ARHGAP18: variants seen among roughly 807,000 people sequenced by gnomAD.
The protein encoded by ARHGAP18 is rho GTPase-activating protein 18.
A neutral mutation model predicts 86.2 loss-of-function variants in ARHGAP18; 67 were observed. The observed-to-expected ratio is 0.78, with a 90% CI of 0.64 to 0.95. ARHGAP18 has a LOEUF of 0.95. ARHGAP18 is among the 40% of genes least tolerant of loss of function. ARHGAP18 has a pLI of 0.00. For missense variants in ARHGAP18, 691 were observed against 780.4 expected, an observed-to-expected ratio of 0.89 and a Z score of 1.37; for synonymous variants, 283 against 280.4, an observed-to-expected ratio of 1.01 and a Z score of -0.09.
At chr6:129,594,158 C>G (rs1230667158) in intron 12 of ARHGAP18, among the ~76,000 whole-genome samples, 3 of 152,106 alleles carry the variant, frequency 2.0e-5, no homozygotes, top group Admixed American at 1.3e-4. Flanking sequence ...GATCTATAGT[C>G]TCTTTCACTC....
intron 1 of ARHGAP18, among the ~76,000 whole-genome samples, chr6:129,676,251 C>A (rs890915475): frequency 1.3e-5 from 2 of 152,168 alleles, no homozygotes; most frequent in Admixed American, 1.3e-4. Context: ...TCAATGTCTT[C>A]TAACGAGGGA....
rs575787847 is a variant in ARHGAP18 at position 129,677,582 on chromosome 6, T to C, written c.113+32442A>G. Among the ~76,000 whole-genome samples, 4 of 152,354 alleles carry C rather than the reference T, an allele frequency of 2.6e-5. No homozygotes were observed. In the East Asian group the frequency reaches 7.7e-4, roughly 29 times the overall value. On this transcript the variant is annotated intron_variant, in intron 1 of 14. Coordinates refer to ENST00000368149, the MANE Select transcript of ARHGAP18 (RefSeq NM_033515.3). Reference sequence around the variant, plus strand: ...AGAAATGAGACACTGTTTTAAAGCATTTAGATTGTATCTCTTGGTTATATT... The same window carrying C: ...AGAAATGAGACACTGTTTTAAAGCACTTAGATTGTATCTCTTGGTTATATT...
At chr6:129,683,545 G>A (rs759894425) in intron 1 of ARHGAP18, among the ~76,000 whole-genome samples, 2 of 152,010 alleles carry the variant, frequency 1.3e-5, no homozygotes, top group Non-Finnish European at 2.9e-5. Flanking sequence ...ATTCATTTAC[G>A]TATAAACAAC....
intron 5 of ARHGAP18, among the ~76,000 whole-genome samples, chr6:129,623,360 G>A (rs1477765191): frequency 2.6e-5 from 4 of 152,088 alleles, no homozygotes; most frequent in African/African-American, 4.8e-5. Flanking sequence ...TAATTACAGA[G>A]CATAATTTCT....
chr6:129,597,135 G>A lies in ARHGAP18; in HGVS notation c.1713+2081C>T, dbSNP rs73590571. On this transcript the variant is annotated intron_variant, in intron 12 of 14. Coordinates refer to ENST00000368149, the MANE Select transcript of ARHGAP18 (RefSeq NM_033515.3). ...GGCATAATTTTTTTTTTAAATTTTG[G>A]CTATTGATTAGAATTTTTTTTTTTT... Among the ~76,000 whole-genome samples, 902 of 151,262 alleles carry A rather than the reference G, an allele frequency of 6.0e-3. 13 individuals are homozygous for A. Among genetic ancestry groups the A allele is most frequent in the African/African-American group, 0.019 (792 of 41,212 alleles).
chr6:129,629,792 C>A (rs998712362), intron 4 of ARHGAP18, among the ~76,000 whole-genome samples: 3 of 152,048 alleles, frequency 2.0e-5, no homozygotes, highest in African/African-American at 7.2e-5. Context: ...AATTCCAAAA[C>A]ATTGCTGGAA....
chr6:129,661,346 T>C (rs1394530208), intron 1 of ARHGAP18, among the ~76,000 whole-genome samples: 1 of 145,848 alleles, frequency 6.9e-6, no homozygotes, highest in African/African-American at 2.5e-5. Context: ...ATACAAAATA[T>C]GGATAATTTG....
chr6:129,626,105 C>T (rs182505920), intron 5 of ARHGAP18, among the ~76,000 whole-genome samples: 1,497 of 124,886 alleles, frequency 0.012, 16 homozygotes, highest in African/African-American at 0.034. Context: ...CACACACACA[C>T]ATATATAGAA....
intron 1 of ARHGAP18, among the ~76,000 whole-genome samples, chr6:129,655,354 A>G (rs1243123597): frequency 6.9e-6 from 1 of 145,364 alleles, no homozygotes; most frequent in Non-Finnish European, 1.5e-5. Flanking sequence ...AAAGAAAAGA[A>G]AAGAAAAGAA....
chr6:129,614,137 G>A lies in ARHGAP18; in HGVS notation c.1044+2075C>T, dbSNP rs539405898. On this transcript the variant is annotated intron_variant, in intron 7 of 14. Coordinates refer to ENST00000368149, the MANE Select transcript of ARHGAP18 (RefSeq NM_033515.3). ...TGAGTAAAATAATATAACAGGTACA[G>A]GTTCATAGATATTAGATAAGCTTTG... is the stretch of plus-strand genomic sequence containing the variant. 5.3e-5 allele frequency among the ~76,000 whole-genome samples: 8 copies of A among 152,322 alleles called. No individual in the cohort carries two copies. In the South Asian group the frequency reaches 1.2e-3, roughly 24 times the overall value.
In ARHGAP18 at chr6:129,588,085, A is replaced by G. The variant is rs573055212; in HGVS notation, c.1714-3973T>C. 5.6e-4 allele frequency among the ~76,000 whole-genome samples: 85 copies of G among 151,986 alleles called. 1 individual carries two copies. In the Middle Eastern group the frequency reaches 0.02, roughly 36 times the overall value. ...CCAAAACAAGGGGGCTACAGGCCCC[A>G]CACAAGTCCGAAATCCAACAGGGAA... On this transcript the variant is annotated intron_variant, in intron 12 of 14. Coordinates refer to ENST00000368149, the MANE Select transcript of ARHGAP18 (RefSeq NM_033515.3).
At chr6:129,626,901 C>T (rs1057007583) in intron 5 of ARHGAP18, among the ~76,000 whole-genome samples, 3 of 152,184 alleles carry the variant, frequency 2.0e-5, no homozygotes, top group Admixed American at 6.5e-5. Flanking sequence ...TGCTCATGTA[C>T]GTCTGTCCTC....
intron 4 of ARHGAP18, 56 bp downstream of exon 4, chr6:129,633,986 G>A (rs1773273204): frequency 2.1e-6 from 3 of 1,436,152 alleles, no homozygotes; most frequent in Non-Finnish European, 1.9e-6. Flanking sequence ...GACTGTAACT[G>A]TTATACTAAT....
intron 1 of ARHGAP18, among the ~76,000 whole-genome samples, chr6:129,685,507 A>G (rs569904002): frequency 1.4e-5 from 2 of 146,554 alleles, no homozygotes; most frequent in East Asian, 3.9e-4. Context: ...GACTCCGTCT[A>G]AAAAAAAAAA....
At chr6:129,589,704 A>G (rs534242805) in intron 12 of ARHGAP18, among the ~76,000 whole-genome samples, 1 of 152,296 alleles carries the variant, frequency 6.6e-6, no homozygotes, top group South Asian at 2.1e-4. Flanking sequence ...ATCGGTACCA[A>G]TATCTGTATT....
At chr6:129,654,561 A>T (rs755934563) in intron 1 of ARHGAP18, among the ~76,000 whole-genome samples, 9 of 152,176 alleles carry the variant, frequency 5.9e-5, no homozygotes, top group Non-Finnish European at 1.0e-4. Context: ...CCAAAATGTC[A>T]TTCCCTGTGG....
At chr6:129,688,093 A>G (rs1369394475) in intron 1 of ARHGAP18, among the ~76,000 whole-genome samples, 1 of 152,228 alleles carries the variant, frequency 6.6e-6, no homozygotes, top group African/African-American at 2.4e-5. Context: ...TCTTCAGTCA[A>G]GATTGACCTT....
intron 5 of ARHGAP18, 57 bp downstream of exon 5, chr6:129,629,296 T>C (rs975301024): frequency 4.3e-6 from 6 of 1,395,322 alleles, no homozygotes; most frequent in Non-Finnish European, 6.0e-6. Context: ...TATATGTGTG[T>C]GTGTATATAT....
intron 1 of ARHGAP18, among the ~76,000 whole-genome samples, chr6:129,697,170 C>A (rs1274745311): frequency 6.6e-6 from 1 of 152,158 alleles, no homozygotes; most frequent in Non-Finnish European, 1.5e-5. Context: ...CCAGAAAATG[C>A]AGGAGGAGAA....
Sources: allele counts gnomAD v4.1 joint callset (sites outside exome capture counted in the v4.1 genomes callset), GRCh38; gene constraint gnomAD v4.1.1; transcripts MANE v1.5; gene names NCBI Gene and HGNC (gene_info 2026-07-23, HGNC 2026-07-21).